Variants in SMOC2 observed in about 807,000 individuals in gnomAD.
SMOC2 encodes SPARC related modular calcium binding 2.
A neutral mutation model predicts 61.4 loss-of-function variants in SMOC2; 39 were observed. That is an observed-to-expected ratio of 0.64 (90% confidence interval 0.49 to 0.83). SMOC2 has a LOEUF of 0.83. Ranked by LOEUF, SMOC2 falls within the 40% of genes least tolerant of loss-of-function variation. The probability of loss-of-function intolerance (pLI) is 0.00; values close to 1 mark genes in which losing one functional copy is unlikely to be tolerated. For synonymous variants in SMOC2, 247 were observed against 239.9 expected (o/e 1.03, Z -0.27); for missense variants, 556 against 592.9 (o/e 0.94, Z 0.65).
chr6:168,442,201 C>T (rs1317242349), intron 1 of SMOC2, among the ~76,000 whole-genome samples: 1 of 152,274 alleles, frequency 6.6e-6, no homozygotes, highest in Non-Finnish European at 1.5e-5. Flanking sequence ...CCCCGCTCTG[C>T]GGGGCCTCTG....
At chr6:168,577,732 C>A (rs1296554010) in intron 7 of SMOC2, among the ~76,000 whole-genome samples, 1 of 152,156 alleles carries the variant, frequency 6.6e-6, no homozygotes, top group Non-Finnish European at 1.5e-5. Context: ...AGAGACAGGA[C>A]CCTGCAGTGC....
intron 7 of SMOC2, among the ~76,000 whole-genome samples, chr6:168,587,566 C>T (rs1268802662): frequency 6.6e-6 from 1 of 152,204 alleles, no homozygotes; most frequent in East Asian, 1.9e-4. Flanking sequence ...ACTGAATATA[C>T]AACGTACATC....
intron 9 of SMOC2, among the ~76,000 whole-genome samples, chr6:168,616,909 C>T (rs1786109847): frequency 6.6e-6 from 1 of 152,168 alleles, no homozygotes; most frequent in African/African-American, 2.4e-5. Flanking sequence ...TTGCAGGGAG[C>T]TCCTCCAGCA....
At chr6:168,591,390 C>T (rs1438765403) in intron 7 of SMOC2, among the ~76,000 whole-genome samples, 4 of 152,178 alleles carry the variant, frequency 2.6e-5, no homozygotes, top group Non-Finnish European at 5.9e-5. Context: ...CATAGTTATA[C>T]TACAGAATTA....
chr6:168,549,154 T>G lies in SMOC2; in HGVS notation c.588T>G (p.Leu196=), dbSNP rs759187412. 6.2e-7 allele frequency: 1 copy of G among 1,614,060 alleles called. No individual in the cohort carries two copies. The highest frequency in any genetic ancestry group is 2.2e-5 in the East Asian group (1 of 44,890). Reference sequence around the variant, plus strand: ...ATATTGCATCACGTTACCCTACCCTTTGGACTGAACAGGTTAAAAGTCGGC... The same window carrying G: ...ATATTGCATCACGTTACCCTACCCTGTGGACTGAACAGGTTAAAAGTCGGC... ...EEDIASRYPT[L]WTEQVKSRQN... The change falls in exon 7 of 13, where the codon CTT becomes CTG. Residue 196 remains leucine, a synonymous_variant. Transcript: ENST00000356284.
At position 168,615,737 on chromosome 6, in the gene SMOC2, A is replaced by G. The variant is rs1432932914; in HGVS notation, c.907+7498A>G. On this transcript the variant is annotated intron_variant, in intron 9 of 12. Transcript: ENST00000356284. ...CAGCACAGGGGGCCTCTTCATACCTACAGCCAGCACAGGGTCTCTTCACAT... is the reference window on the plus strand; with the variant it reads ...CAGCACAGGGGGCCTCTTCATACCTGCAGCCAGCACAGGGTCTCTTCACAT... 2.0e-5 allele frequency among the ~76,000 whole-genome samples: 3 copies of G among 152,010 alleles called. No individual in the cohort carries two copies. The East Asian group carries it at 5.8e-4, about 29-fold the overall frequency.
intron 7 of SMOC2, among the ~76,000 whole-genome samples, chr6:168,588,758 T>C (rs1464150207): frequency 1.3e-5 from 2 of 152,216 alleles, no homozygotes; most frequent in African/African-American, 4.8e-5. Context: ...CAGACTTAAA[T>C]ACAAACTCTT....
chr6:168,479,595 A>G (rs1166863063), intron 1 of SMOC2, among the ~76,000 whole-genome samples: 10 of 152,238 alleles, frequency 6.6e-5, no homozygotes. Context: ...TGGCTCTAGC[A>G]CAGTAGCAGC....
intron 5 of SMOC2, among the ~76,000 whole-genome samples, chr6:168,545,575 G>A (rs1213512556): frequency 6.6e-6 from 1 of 152,234 alleles, no homozygotes; most frequent in Non-Finnish European, 1.5e-5. Flanking sequence ...TGCTGAGGAG[G>A]GAAGCATGGA....
chr6:168,571,903 C>T lies in SMOC2; in HGVS notation c.637+22700C>T, dbSNP rs184714086. Among the ~76,000 whole-genome samples, 5 of 57,562 alleles carry T rather than the reference C, an allele frequency of 8.7e-5. No individual in the cohort carries two copies. The East Asian group carries it at 2.7e-3, about 31-fold the overall frequency. 37.8% of individuals were successfully genotyped at this position (57,562 alleles called of 152,430 possible). ...CGGGTGCGGGGACCAGGGCTGCGTG[C>T]TCCCTGAACGCGATGTTCACTTCCT... On this transcript the variant is annotated intron_variant, in intron 7 of 12. Transcript: ENST00000356284.
At chr6:168,515,811 A>C (rs183554542) in intron 2 of SMOC2, among the ~76,000 whole-genome samples, 2 of 152,020 alleles carry the variant, frequency 1.3e-5, no homozygotes, top group East Asian at 3.9e-4. Flanking sequence ...GTGTCTACTC[A>C]GCAAATTGTG....
chr6:168,607,088 G>T (rs185102277), intron 8 of SMOC2, among the ~76,000 whole-genome samples: 118 of 152,212 alleles, frequency 7.8e-4, no homozygotes, highest in Admixed American at 1.6e-3. Context: ...TCCCGGGAAC[G>T]CACCTCCCCG....
intron 9 of SMOC2, 125 bp downstream of exon 9, chr6:168,608,364 C>A (rs936183480): frequency 9.4e-6 from 10 of 1,068,572 alleles, no homozygotes; most frequent in Non-Finnish European, 1.4e-5. Flanking sequence ...TCTGAGGCCT[C>A]CTACCTCCTT....
In SMOC2 at chr6:168,452,739, C is replaced by G. The variant is rs1296560844; in HGVS notation, c.84+11285C>G. ...TTCCTAGTCCCTTCCCTCATTTCTA[C>G]TACCTTTTAATTTCGTTTTGTTTTG... On this transcript the variant is annotated intron_variant, in intron 1 of 12. Transcript: ENST00000356284. This position sits in a 1 kb window ranked among gnomAD's most constrained non-coding sequence, Gnocchi z 5.0. Among the ~76,000 whole-genome samples the G allele has an allele frequency of 6.6e-6, 1 of 152,194 alleles. No homozygotes were observed. The highest frequency in any genetic ancestry group is 2.4e-5 in the African/African-American group (1 of 41,454).
At chr6:168,651,912 G>C (rs533293930) in intron 10 of SMOC2, among the ~76,000 whole-genome samples, 16 of 152,012 alleles carry the variant, frequency 1.1e-4, no homozygotes, top group African/African-American at 2.9e-4. Flanking sequence ...ATGGTGGCAG[G>C]CACCTGTAAT....
intron 9 of SMOC2, among the ~76,000 whole-genome samples, chr6:168,644,089 G>C (rs1433235545): frequency 6.6e-6 from 1 of 152,244 alleles, no homozygotes; most frequent in African/African-American, 2.4e-5. Flanking sequence ...GTCTGTTTCG[G>C]CTGGGGATGG....
At chr6:168,492,490 A>C (rs973126213) in intron 1 of SMOC2, among the ~76,000 whole-genome samples, 3 of 152,224 alleles carry the variant, frequency 2.0e-5, no homozygotes, top group African/African-American at 7.2e-5. Context: ...TCACAAAGTC[A>C]CTCTTACAGG....
chr6:168,457,456 A>C (rs771436099), intron 1 of SMOC2, among the ~76,000 whole-genome samples: 2 of 152,212 alleles, frequency 1.3e-5, no homozygotes, highest in Admixed American at 6.5e-5. Flanking sequence ...CAGTGACTTC[A>C]TCGCCTTGTG....
At chr6:168,528,774 G>A (rs1277474663) in intron 4 of SMOC2, among the ~76,000 whole-genome samples, 2 of 152,202 alleles carry the variant, frequency 1.3e-5, no homozygotes, top group Non-Finnish European at 2.9e-5. Context: ...TTTCTCCAGA[G>A]CCTAAATAGT....
Sources: gnomAD v4.1 joint callset for allele counts (sites outside exome capture counted in the v4.1 genomes callset) on GRCh38, gnomAD v4.1.1 for gene constraint, Gnocchi (gnomAD v3.1) non-coding constraint, MANE v1.5 for transcripts, NCBI Gene and HGNC (gene_info 2026-07-23, HGNC 2026-07-21) for gene names.